The following ADGRA3 variants were observed in gnomAD, a reference collection of about 807,000 sequenced individuals.
The protein encoded by ADGRA3 is adhesion G protein-coupled receptor A3, also known as G-protein coupled receptor 125.
A neutral mutation model predicts 119.8 loss-of-function variants in ADGRA3; 56 were observed. The ratio of observed to expected loss-of-function variants is 0.47; its 90% CI spans 0.38 to 0.58. The LOEUF (loss-of-function observed/expected upper bound fraction) is 0.58. Ranked by LOEUF, ADGRA3 falls within the 20% of genes least tolerant of loss-of-function variation. The probability of loss-of-function intolerance (pLI) is 0.00; values close to 1 mark genes in which losing one functional copy is unlikely to be tolerated. For synonymous variants in ADGRA3, 607 were observed against 623.8 expected, an observed-to-expected ratio of 0.97 and a Z score of 0.40; for missense variants, 1,516 against 1,649.0, an observed-to-expected ratio of 0.92 and a Z score of 1.40.
intron 4 of ADGRA3, among the ~76,000 whole-genome samples, chr4:22,448,436 T>C (rs61792022): frequency 0.017 from 2,557 of 152,290 alleles, 21 homozygotes; most frequent in Middle Eastern, 0.048. Context: ...CAGTCAGAAT[T>C]TAGACCTAAA....
At chr4:22,400,766 C>T (rs1358359602) in intron 16 of ADGRA3, among the ~76,000 whole-genome samples, 1 of 151,718 alleles carries the variant, frequency 6.6e-6, no homozygotes, top group African/African-American at 2.4e-5. Flanking sequence ...AGAAACACAG[C>T]CGATAAATGG....
chr4:22,488,697 T>C (rs1012881080), intron 1 of ADGRA3, among the ~76,000 whole-genome samples: 1 of 152,036 alleles, frequency 6.6e-6, no homozygotes, highest in Non-Finnish European at 1.5e-5. Context: ...AGTACAGAAA[T>C]ACAAAAGCAG....
chr4:22,499,595 A>C (rs898274568), intron 1 of ADGRA3, among the ~76,000 whole-genome samples: 2 of 152,182 alleles, frequency 1.3e-5, no homozygotes, highest in Non-Finnish European at 2.9e-5. Context: ...AGGCCTCCCA[A>C]AAATGCATCT....
chr4:22,436,906 CAG>C (rs897529976), intron 8 of ADGRA3, among the ~76,000 whole-genome samples: 24 of 152,144 alleles, frequency 1.6e-4, no homozygotes, highest in African/African-American at 5.6e-4. Flanking sequence ...CACACCAAAA[CAG>C]AATTCATTAC....
At position 22,436,638 on chromosome 4, in the gene ADGRA3, C is replaced by T; in HGVS notation, c.1089G>A (p.Trp363Ter). ...RVVNNKGDFR[W>*]PRTLAGITAY... ...CAGTAATGCCTGCCAATGTTCTGGG[C>T]CATCTAGAGATGAAGACAAAATAGT... is the stretch of plus-strand genomic sequence containing the variant. The change falls in exon 9 of 19, where the codon TGG (tryptophan) becomes TGA (stop). Residue 363 changes from tryptophan (W) to a stop codon, truncating the protein, a stop_gained. Transcript: ENST00000334304. LOFTEE classifies it high-confidence loss of function. The T allele has an allele frequency of 6.2e-7, 1 of 1,613,556 alleles. No homozygotes were observed.
chr4:22,402,819 T>C lies in ADGRA3; in HGVS notation c.2233-20A>G. 1 of 1,604,328 alleles carries C rather than the reference T, an allele frequency of 6.2e-7. No individual in the cohort carries two copies. Among genetic ancestry groups the C allele is most frequent in the Non-Finnish European group, 8.5e-7 (1 of 1,176,950 alleles). On this transcript the variant is annotated intron_variant, in intron 14 of 18. Transcript: ENST00000334304. Reference sequence around the variant, plus strand: ...CAAATCCTGAGGGCAAAAAGAAAGATCCATTCTAGCAGTACTTCTCTCCAC... The same window carrying C: ...CAAATCCTGAGGGCAAAAAGAAAGACCCATTCTAGCAGTACTTCTCTCCAC...
At chr4:22,402,191 C>T (rs986636333) in intron 15 of ADGRA3, among the ~76,000 whole-genome samples, 7 of 152,096 alleles carry the variant, frequency 4.6e-5, no homozygotes, top group South Asian at 4.1e-4. Flanking sequence ...GTTTCTATAG[C>T]TTTGCCTCCG....
At chr4:22,473,478 T>C (rs906965451) in intron 2 of ADGRA3, among the ~76,000 whole-genome samples, 6 of 152,220 alleles carry the variant, frequency 3.9e-5, no homozygotes, top group Non-Finnish European at 8.8e-5. Context: ...CTAAGTATTG[T>C]CTTATGCAAT....
intron 16 of ADGRA3, among the ~76,000 whole-genome samples, chr4:22,400,557 C>T (rs28518171): frequency 0.015 from 2,302 of 152,010 alleles, 55 homozygotes; most frequent in African/African-American, 0.053. Context: ...AAAAAGGGGT[C>T]GTTGTTCAAT....
chr4:22,440,941 T>C (rs2109070108), intron 7 of ADGRA3, among the ~76,000 whole-genome samples: 1 of 152,248 alleles, frequency 6.6e-6, no homozygotes, highest in Admixed American at 6.5e-5. Flanking sequence ...ACTGAGTAGC[T>C]CATATTAAAT....
chr4:22,397,226 GGCAGGAGT>G (rs1714397022), intron 16 of ADGRA3, among the ~76,000 whole-genome samples: 1 of 143,234 alleles, frequency 7.0e-6, no homozygotes, highest in Non-Finnish European at 1.5e-5. Flanking sequence ...TCTGTCATCA[GGCAGGAGT>G]GCAGTGGTGC....
At chr4:22,438,076 C>T (rs1255549682) in intron 8 of ADGRA3, among the ~76,000 whole-genome samples, 180 bp downstream of exon 8, 1 of 152,154 alleles carries the variant, frequency 6.6e-6, no homozygotes, top group Non-Finnish European at 1.5e-5. Flanking sequence ...AGATAAAGTT[C>T]AAGCACCCCT....
intron 3 of ADGRA3, chr4:22,455,812 T>C (rs1323671534): frequency 1.6e-6 from 2 of 1,288,342 alleles, no homozygotes; most frequent in Admixed American, 2.3e-5. Flanking sequence ...AACTTACACC[T>C]GGCATGGCAT....
At chr4:22,470,749 G>C (rs186191714) in intron 2 of ADGRA3, among the ~76,000 whole-genome samples, 2 of 152,322 alleles carry the variant, frequency 1.3e-5, no homozygotes, top group East Asian at 3.9e-4. Flanking sequence ...GAAAATAATG[G>C]CTTTACTCAG....
Position 22,413,213 on chromosome 4 carries a change from C to CT in ADGRA3, c.2200_2201insA (p.Cys734Ter). 6.2e-7 allele frequency: 1 copy of CT among 1,613,758 alleles called. No homozygotes were observed. The highest frequency in any genetic ancestry group is 8.5e-7 in the Non-Finnish European group (1 of 1,179,776). The change falls in exon 14 of 19, where the codon TGC becomes TAGC. Residue 734 changes from cysteine to a stop codon, truncating the protein, a stop_gained and frameshift_variant. Transcript: ENST00000334304. LOFTEE classifies it high-confidence loss of function. ...AACTGCATAGTTACTAAGGGAGTAG[C>CT]ACTGAATCGTAGTGATATTTTCATC... The part of the protein sequence containing the change: ...YSDENITTIQ[C>*]YSLSNYAVLM...
intron 1 of ADGRA3, among the ~76,000 whole-genome samples, chr4:22,509,386 C>T (rs1014900571): frequency 1.3e-5 from 2 of 151,882 alleles, no homozygotes; most frequent in Admixed American, 1.3e-4. Flanking sequence ...ACCTGTAATC[C>T]CAGCTACTCG....
chr4:22,392,480 A>G, intron 17 of ADGRA3, 65 bp downstream of exon 17: 3 of 1,574,940 alleles, frequency 1.9e-6, no homozygotes, highest in African/African-American at 1.4e-5. Context: ...CAATTTTGTT[A>G]TAATTTATGA....
chr4:22,457,975 A>C (rs567286902), intron 3 of ADGRA3, among the ~76,000 whole-genome samples: 2 of 152,316 alleles, frequency 1.3e-5, no homozygotes, highest in East Asian at 3.9e-4. Flanking sequence ...AGCTGTGACT[A>C]CAACAGTGTG....
chr4:22,424,311 C>T lies in ADGRA3; in HGVS notation c.1485G>A (p.Leu495=). The change falls in exon 11 of 19, where the codon TTG becomes TTA. Residue 495 remains leucine (L), a synonymous_variant. Transcript: ENST00000334304. ...CCAGCCACAGGACACGTTCATCAGC[C>T]AACATGATGTTACTTGCAATGTCAA... ...VMVDIASNIM[L]ADERVLWLAQ... 6.2e-7 allele frequency: 1 copy of T among 1,613,840 alleles called. No homozygotes were observed. The highest frequency in any genetic ancestry group is 8.5e-7 in the Non-Finnish European group (1 of 1,179,824).
Sources: gnomAD v4.1 joint callset for allele counts (sites outside exome capture counted in the v4.1 genomes callset) on GRCh38, gnomAD v4.1.1 for gene constraint, MANE v1.5 for transcripts, NCBI Gene and HGNC (gene_info 2026-07-23, HGNC 2026-07-21) for gene names.